Variants in NRAP observed in about 807,000 individuals in gnomAD.
NRAP encodes nebulin related anchoring protein.
NRAP carries 189 observed loss-of-function variants against 225.9 expected under a neutral mutation model. That is an observed-to-expected ratio of 0.84 (90% confidence interval 0.74 to 0.94). The LOEUF (loss-of-function observed/expected upper bound fraction) is 0.94. Among genes scored for constraint, NRAP ranks in the 40% least tolerant of loss-of-function variants. NRAP has a pLI of 0.00. For missense variants in NRAP, 2,176 were observed against 2,168.7 expected (o/e 1.00, Z -0.07); for synonymous variants, 769 against 790.7 (o/e 0.97, Z 0.46).
At chr10:113,605,915 T>A in intron 33 of NRAP, 46 bp from the exon 34 acceptor site, 1 of 1,403,578 alleles carries the variant, frequency 7.1e-7, no homozygotes, top group South Asian at 1.2e-5. Flanking sequence ...ATTACATGAA[T>A]CAACGAGCAA....
intron 35 of NRAP, among the ~76,000 whole-genome samples, chr10:113,601,937 G>T (rs919562558): frequency 3.3e-5 from 5 of 152,130 alleles, no homozygotes; most frequent in Non-Finnish European, 7.3e-5. Context: ...CCAGGCTGAA[G>T]TGCAGTAGCA....
intron 39 of NRAP, 89 bp downstream of exon 39, chr10:113,592,105 A>T (rs1162750410): frequency 1.5e-6 from 1 of 655,454 alleles, no homozygotes; most frequent in Non-Finnish European, 2.6e-6. Context: ...GATAATCTTG[A>T]CAGGTCCTGG....
chr10:113,644,081 A>G (rs1463186840), intron 11 of NRAP, among the ~76,000 whole-genome samples: 1 of 124,420 alleles, frequency 8.0e-6, no homozygotes, highest in Non-Finnish European at 1.6e-5. Context: ...TGGGAGGTGG[A>G]GGTTGCGGTG....
rs375274181 is a variant in NRAP at position 113,629,049 on chromosome 10, A to G, written c.2041-28T>C. 4 of 1,471,054 alleles carry G rather than the reference A, an allele frequency of 2.7e-6. No homozygotes were observed. In the African/African-American group the frequency reaches 4.2e-5, roughly 15 times the overall value. The allele number at this position is 1,471,054 out of a possible 1,614,324, so 91.1% of individuals were successfully genotyped here. On this transcript the variant is annotated intron_variant, in intron 19 of 41. Coordinates refer to ENST00000359988, the MANE Select transcript of NRAP (RefSeq NM_198060.4). ...ACAAAAGAAAAACCACAAAGCTCTC[A>G]TTGGGCGCATGGATAGAGACAGGAC...
At chr10:113,646,126 T>G (rs536415046) in intron 10 of NRAP, among the ~76,000 whole-genome samples, 185 bp from the exon 11 acceptor site, 5 of 152,204 alleles carry the variant, frequency 3.3e-5, no homozygotes, top group Non-Finnish European at 7.3e-5. Context: ...TTTTTGTTAT[T>G]AAAATTTTCC....
Position 113,588,949 on chromosome 10 carries a change from C to A in NRAP, c.*26G>T. ...CTGGTGAACAAACTTCCTCTCTGGCCTCTCAGGAATCAGGGTGGACATGGC... is the reference window on the plus strand; with the variant it reads ...CTGGTGAACAAACTTCCTCTCTGGCATCTCAGGAATCAGGGTGGACATGGC... On this transcript the variant is annotated 3_prime_UTR_variant, in exon 42 of 42. Coordinates refer to ENST00000359988, the MANE Select transcript of NRAP (RefSeq NM_198060.4). 1 of 1,568,198 alleles carries A rather than the reference C, an allele frequency of 6.4e-7. No individual in the cohort carries two copies. Among genetic ancestry groups the A allele is most frequent in the Non-Finnish European group, 8.7e-7 (1 of 1,145,988 alleles).
Position 113,597,961 on chromosome 10 carries a change from G to A in NRAP, c.4332+8C>T, listed in dbSNP as rs1232321682. ...TTGTCACTTGTGGTGGGGACAGGTT[G>A]ATGGTACCTCGCTGATGAGTTCTCC... On this transcript the variant is annotated splice_region_variant and intron_variant, in intron 36 of 41. Transcript: ENST00000359988. 25 of 1,586,980 alleles carry A rather than the reference G, an allele frequency of 1.6e-5. No individual in the cohort carries two copies. Among genetic ancestry groups the A allele is most frequent in the Non-Finnish European group, 2.2e-5 (25 of 1,155,272 alleles).
intron 41 of NRAP, 191 bp downstream of exon 41, chr10:113,589,475 G>T: frequency 1.5e-6 from 1 of 647,770 alleles, no homozygotes; most frequent in Admixed American, 3.0e-5. Context: ...AGCCCTGCAG[G>T]AAGTTTAACC....
chr10:113,599,705 G>GC (rs959084227), intron 35 of NRAP, among the ~76,000 whole-genome samples: 2 of 152,096 alleles, frequency 1.3e-5, no homozygotes, highest in Non-Finnish European at 2.9e-5. Context: ...CAACACACTT[G>GC]CCCCAGACTT....
At chr10:113,608,585 A>C in intron 31 of NRAP, 73 bp from the exon 32 acceptor site, 1 of 957,746 alleles carries the variant, frequency 1.0e-6, no homozygotes, top group Non-Finnish European at 1.6e-6. Flanking sequence ...CCAGTTCTTT[A>C]AGTATTAGCC....
intron 12 of NRAP, among the ~76,000 whole-genome samples, 185 bp downstream of exon 12, chr10:113,642,749 C>T (rs184475002): frequency 1.3e-3 from 195 of 152,300 alleles, no homozygotes; most frequent in African/African-American, 4.5e-3. Flanking sequence ...GGGGATGTGA[C>T]AGAATTGAAC....
intron 25 of NRAP, among the ~76,000 whole-genome samples, chr10:113,619,502 G>T (rs950933980): frequency 2.2e-4 from 34 of 152,118 alleles, no homozygotes; most frequent in Non-Finnish European, 4.0e-4. Context: ...ACTCTGCATT[G>T]TGCCAGGTAG....
In NRAP at chr10:113,620,585, G is replaced by A; in HGVS notation, c.2874+19C>T. On this transcript the variant is annotated intron_variant, in intron 25 of 41. Coordinates refer to ENST00000359988, the MANE Select transcript of NRAP (RefSeq NM_198060.4). ...GCCTAATGCAGCCAGGCCTGTTACA[G>A]GCTGTCAGGAAATCTCACCTCGCTA... is the stretch of plus-strand genomic sequence containing the variant. 6.7e-7 allele frequency: 1 copy of A among 1,484,642 alleles called. No individual in the cohort carries two copies. Among genetic ancestry groups the A allele is most frequent in the South Asian group, 1.1e-5 (1 of 88,538 alleles). 92.0% of individuals were successfully genotyped at this position (1,484,642 alleles called of 1,614,324 possible).
At chr10:113,613,446 C>A (rs960438485) in intron 29 of NRAP, among the ~76,000 whole-genome samples, 1 of 152,126 alleles carries the variant, frequency 6.6e-6, no homozygotes, top group African/African-American at 2.4e-5. Flanking sequence ...GGAAGAATAA[C>A]AAGATGGAGT....
intron 7 of NRAP, among the ~76,000 whole-genome samples, chr10:113,651,372 G>A (rs1426594557): frequency 6.6e-6 from 1 of 152,084 alleles, no homozygotes; most frequent in Non-Finnish European, 1.5e-5. Context: ...TACATGTGCA[G>A]GACGTGCAGG....
Position 113,663,817 on chromosome 10 carries a change from T to C in NRAP, c.66A>G (p.Ile22Met), listed in dbSNP as rs1850849603. Residue 22 changes from isoleucine to methionine, a missense_variant, in exon 1 of 42, where the codon ATA becomes ATG. Around this residue, in one of 3 missense-constraint regions of NRAP, gnomAD observed 1,708 missense variants for 1,695.5 expected, o/e 1.01. Coordinates refer to ENST00000359988, the MANE Select transcript of NRAP (RefSeq NM_198060.4). ...GVYPAEKISC[I>M]DQIWHKACFH... ...CCAAGAAATGTCTACTGACCTGATC[T>C]ATACAGCTGATCTTCTCGGCAGGAT... 1.2e-6 allele frequency: 2 copies of C among 1,612,300 alleles called. No individual in the cohort carries two copies. Among genetic ancestry groups the C allele is most frequent in the Admixed American group, 3.3e-5 (2 of 60,018 alleles).
chr10:113,619,839 C>A (rs774709020), intron 25 of NRAP, among the ~76,000 whole-genome samples: 4 of 152,084 alleles, frequency 2.6e-5, no homozygotes, highest in Non-Finnish European at 4.4e-5. Flanking sequence ...CTCCTGGGAG[C>A]CTTGTCCTGT....
In NRAP at chr10:113,616,898, G is replaced by C. The variant is rs1847697863; in HGVS notation, c.2973+557C>G. On this transcript the variant is annotated intron_variant, in intron 26 of 41. Transcript: ENST00000359988. ...TTCACTTTAGTCTCCAGCCGACCCT[G>C]CAACCCTGCACCCCAGCCAACCTTT... Among the ~76,000 whole-genome samples, 9 of 152,162 alleles carry C rather than the reference G, an allele frequency of 5.9e-5. 1 individual carries two copies. In the South Asian group the frequency reaches 1.9e-3, roughly 32 times the overall value.
chr10:113,619,545 C>T (rs1320400555), intron 25 of NRAP, among the ~76,000 whole-genome samples: 1 of 151,422 alleles, frequency 6.6e-6, no homozygotes, highest in Admixed American at 6.6e-5. Flanking sequence ...AATACTAATG[C>T]TGGACAGGTG....
Sources: gnomAD v4.1 joint callset for allele counts (sites outside exome capture counted in the v4.1 genomes callset) on GRCh38, gnomAD v4.1.1 for gene constraint, gnomAD v4.1.1 regional missense constraint, MANE v1.5 for transcripts, NCBI Gene and HGNC (gene_info 2026-07-23, HGNC 2026-07-21) for gene names.